The following ZMYM4 variants were observed in gnomAD, a reference collection of about 807,000 sequenced individuals.
ZMYM4 encodes the protein zinc finger MYM-type protein 4.
In ZMYM4, 31 loss-of-function variants were observed where a neutral mutation model predicts 183.2. That is an observed-to-expected ratio of 0.17 (90% CI 0.13 to 0.23). The LOEUF is 0.23. Ranked by LOEUF, ZMYM4 falls within the 10% of genes least tolerant of loss-of-function variation. ZMYM4 has a pLI of 1.00. For missense variants in ZMYM4, 1,273 were observed against 1,840.3 expected (o/e 0.69, Z 5.64); for synonymous variants, 592 against 631.2 (o/e 0.94, Z 0.93).
intron 1 of ZMYM4, among the ~76,000 whole-genome samples, chr1:35,288,403 A>G (rs1420182180): frequency 1.3e-5 from 2 of 152,182 alleles, no homozygotes; most frequent in Non-Finnish European, 2.9e-5. Context: ...CTGTGGCGAA[A>G]GGCAGCTTGC....
chr1:35,322,201 T>G (rs1642310678), intron 1 of ZMYM4, among the ~76,000 whole-genome samples: 1 of 152,170 alleles, frequency 6.6e-6, no homozygotes, highest in African/African-American at 2.4e-5. Flanking sequence ...GTTTATGTTC[T>G]TTGATCACTT....
chr1:35,408,794 A>G (rs529136930), intron 26 of ZMYM4, among the ~76,000 whole-genome samples: 19 of 152,350 alleles, frequency 1.2e-4, no homozygotes, highest in Middle Eastern at 6.8e-3. Flanking sequence ...GAAAATATGC[A>G]TAACATAAAA....
intron 1 of ZMYM4, among the ~76,000 whole-genome samples, chr1:35,280,106 T>C (rs1414500179): frequency 6.6e-6 from 1 of 151,892 alleles, no homozygotes; most frequent in Admixed American, 6.6e-5. Context: ...TCTCTTTCTT[T>C]TTGTTACTTT....
At chr1:35,294,854 G>C (rs957392670) in intron 1 of ZMYM4, among the ~76,000 whole-genome samples, 5 of 152,136 alleles carry the variant, frequency 3.3e-5, no homozygotes, top group African/African-American at 1.2e-4. Context: ...TTTTGAAAAA[G>C]GTAAATGTCT....
chr1:35,397,583 C>A, intron 20 of ZMYM4, 38 bp downstream of exon 20: 1 of 1,526,434 alleles, frequency 6.6e-7, no homozygotes, highest in South Asian at 1.3e-5. Context: ...AGAAAAAACA[C>A]GTTTTACACA....
At chr1:35,354,741 A>G (rs959136698) in intron 2 of ZMYM4, among the ~76,000 whole-genome samples, 3 of 136,384 alleles carry the variant, frequency 2.2e-5, no homozygotes, top group Admixed American at 7.3e-5. Context: ...AAAAAAAAAA[A>G]AAAAAAAAAA....
In ZMYM4 at chr1:35,414,151, C is replaced by G. The variant is rs183257305; in HGVS notation, c.4060+68C>G. 262 of 977,978 alleles carry G rather than the reference C, an allele frequency of 2.7e-4. 2 individuals are homozygous for G. In the East Asian group the frequency reaches 6.3e-3, roughly 24 times the overall value. 60.6% of individuals were successfully genotyped at this position (977,978 alleles called of 1,614,324 possible). A position where few individuals can be genotyped will look rare whatever the true frequency, so the allele number is the denominator to read the frequency against. On this transcript the variant is annotated intron_variant, in intron 27 of 29. Coordinates refer to ENST00000314607, the MANE Select transcript of ZMYM4 (RefSeq NM_005095.3). The stretch of plus-strand genomic sequence containing the variant: ...TAAATTGCTTAACTTTTTTGGTTAT[C>G]TTTAAAAAAATTGTTCATTTTTATT...
chr1:35,376,887 A>G (rs971992910), intron 7 of ZMYM4, among the ~76,000 whole-genome samples: 2 of 151,964 alleles, frequency 1.3e-5, no homozygotes, highest in Admixed American at 6.6e-5. Context: ...ATTTGTCACA[A>G]TAACTCTGAG....
Position 35,396,684 on chromosome 1 carries a change from T to G in ZMYM4, c.3030+14T>G. On this transcript the variant is annotated intron_variant, in intron 19 of 29. Transcript: ENST00000314607. ...ATTCCAGTTCCAGTGAGTAATCATTTAGAGATTAAAGCTAATATAGCATGC... is the reference window on the plus strand; with the variant it reads ...ATTCCAGTTCCAGTGAGTAATCATTGAGAGATTAAAGCTAATATAGCATGC... 1 of 1,612,304 alleles carries G rather than the reference T, an allele frequency of 6.2e-7. No homozygotes were observed. The highest frequency in any genetic ancestry group is 8.5e-7 in the Non-Finnish European group (1 of 1,179,130).
chr1:35,344,627 A>G (rs1643327326), intron 2 of ZMYM4, among the ~76,000 whole-genome samples: 1 of 152,024 alleles, frequency 6.6e-6, no homozygotes, highest in African/African-American at 2.4e-5. Flanking sequence ...ATGTGTTAAT[A>G]TGAAGATGAA....
intron 2 of ZMYM4, among the ~76,000 whole-genome samples, chr1:35,356,359 T>A (rs1045189187): frequency 3.3e-5 from 5 of 152,214 alleles, no homozygotes; most frequent in African/African-American, 1.2e-4. Context: ...TATGAAAAAT[T>A]ACAGAGCACA....
chr1:35,346,665 A>G (rs868092752), intron 2 of ZMYM4, among the ~76,000 whole-genome samples: 36 of 151,232 alleles, frequency 2.4e-4, no homozygotes, highest in Non-Finnish European at 4.0e-4. Flanking sequence ...AAAAAAAAAA[A>G]AAAAAGAAAA....
chr1:35,320,731 C>T (rs962296260), intron 1 of ZMYM4, among the ~76,000 whole-genome samples: 1 of 152,178 alleles, frequency 6.6e-6, no homozygotes, highest in South Asian at 2.1e-4. Context: ...ATAGGACACA[C>T]AGTTGGTGTC....
intron 1 of ZMYM4, among the ~76,000 whole-genome samples, chr1:35,294,519 A>G (rs1442431024): frequency 2.0e-5 from 3 of 152,200 alleles, no homozygotes; most frequent in African/African-American, 7.2e-5. Context: ...CTTGTTCTAT[A>G]GTAGGGTCTT....
intron 24 of ZMYM4, 57 bp downstream of exon 24, chr1:35,405,251 T>C (rs578080060): frequency 2.5e-6 from 4 of 1,595,202 alleles, no homozygotes; most frequent in East Asian, 2.2e-5. Context: ...ATACAGATAA[T>C]CTACTGAAAA....
At position 35,361,785 on chromosome 1, in the gene ZMYM4, C is replaced by G; in HGVS notation, c.836C>G (p.Ala279Gly). Residue 279 changes from alanine to glycine, a missense_variant, in exon 5 of 30, where the codon GCT becomes GGT. Coordinates refer to ENST00000314607, the MANE Select transcript of ZMYM4 (RefSeq NM_005095.3). ...AAAATAAAAGATGAACCTGACAATG[C>G]TCAAGTAAACATTTCACCTTTTTTC... ...LDKIKDEPDN[A>G]QEYSHGQQQK... 6.3e-7 allele frequency: 1 copy of G among 1,598,666 alleles called. No individual in the cohort carries two copies. The highest frequency in any genetic ancestry group is 8.5e-7 in the Non-Finnish European group (1 of 1,175,294).
intron 1 of ZMYM4, among the ~76,000 whole-genome samples, chr1:35,273,818 A>C (rs1462643136): frequency 6.6e-6 from 1 of 152,184 alleles, no homozygotes; most frequent in African/African-American, 2.4e-5. Flanking sequence ...GGAGAAACGA[A>C]AGAGAGTATA....
rs16837315 is a variant in ZMYM4, at chr1:35,386,039, A to G, written c.1721-35A>G. On this transcript the variant is annotated intron_variant, in intron 10 of 29. Coordinates refer to ENST00000314607, the MANE Select transcript of ZMYM4 (RefSeq NM_005095.3). The stretch of plus-strand genomic sequence containing the variant: ...CTCATACTTTTGTGTACATTTGTAC[A>G]TATTACTCATTGGTTTTTATTTTGA... The G allele has an allele frequency of 0.047, 67,657 of 1,438,138 alleles. 8,093 individuals carry two copies. The East Asian group carries it at 0.49, about 10-fold the overall frequency. 89.1% of individuals were successfully genotyped at this position (1,438,138 alleles called of 1,614,324 possible).
intron 2 of ZMYM4, among the ~76,000 whole-genome samples, chr1:35,338,695 T>C (rs1243812715): frequency 3.3e-5 from 5 of 152,260 alleles, no homozygotes; most frequent in African/African-American, 7.2e-5. Flanking sequence ...ATTTTGTCTT[T>C]AATTTGCATT....
Sources: allele counts gnomAD v4.1 joint callset (sites outside exome capture counted in the v4.1 genomes callset), GRCh38; gene constraint gnomAD v4.1.1; transcripts MANE v1.5; gene names NCBI Gene and HGNC (gene_info 2026-07-23, HGNC 2026-07-21).